The following PIERCE1 variants were observed in gnomAD, a reference collection of about 807,000 sequenced individuals.
The protein encoded by PIERCE1 is piercer of microtubule wall 1.
chr9:135,499,046 C>T, the PIERCE1 span: 1 of 274,148 alleles, frequency 3.6e-6, no homozygotes, highest in African/African-American at 2.2e-5. Context: ...GTCCCTCTGC[C>T]TCTGAGCCCC....
chr9:135,499,557 G>A, the PIERCE1 span: 2 of 1,069,610 alleles, frequency 1.9e-6, no homozygotes, highest in Non-Finnish European at 2.8e-6. Flanking sequence ...CACGGTCGCC[G>A]CTCACTGGCG....
the PIERCE1 span, among the ~76,000 whole-genome samples, chr9:135,496,724 T>C: frequency 6.6e-6 from 1 of 151,714 alleles, no homozygotes; most frequent in Non-Finnish European, 1.5e-5. Context: ...CTACATTCTA[T>C]GGGTGGGACA....
the PIERCE1 span, among the ~76,000 whole-genome samples, chr9:135,497,612 T>TG: frequency 7.2e-4 from 109 of 152,100 alleles, no homozygotes; most frequent in African/African-American, 2.6e-3. Context: ...TTTACAGGGA[T>TG]GGGGGTCTCA....
chr9:135,498,786 C>A, the PIERCE1 span: 2 of 893,946 alleles, frequency 2.2e-6, no homozygotes, highest in South Asian at 1.5e-5. The surrounding 1 kb of genome is among the most constrained non-coding windows in gnomAD (Gnocchi z 4.1). Context: ...TATGCCCGGG[C>A]TGGTGATGTG....
chr9:135,499,696 C>G, the PIERCE1 span: 72 of 1,607,216 alleles, frequency 4.5e-5, no homozygotes, highest in Non-Finnish European at 6.0e-5. Flanking sequence ...CAGGCGGGCC[C>G]CAGCTTCCTC....
At chr9:135,499,362 A>C in the PIERCE1 span, 58 of 541,966 alleles carry the variant, frequency 1.1e-4, no homozygotes, top group Middle Eastern at 5.6e-4. Flanking sequence ...GAGCTGGCTG[A>C]GTCTACAGCA....
At chr9:135,497,606 C>T in the PIERCE1 span, among the ~76,000 whole-genome samples, 76,373 of 151,762 alleles carry the variant, frequency 0.5, 20,053 homozygotes, top group East Asian at 0.84. Flanking sequence ...TTTATTTTTA[C>T]AGGGATGGGG....
chr9:135,496,607 A>T, the PIERCE1 span, among the ~76,000 whole-genome samples: 1 of 152,262 alleles, frequency 6.6e-6, no homozygotes, highest in Non-Finnish European at 1.5e-5. Context: ...GAGTTCCCAA[A>T]TTACCTCCCT....
the PIERCE1 span, chr9:135,498,518 G>T: frequency 7.0e-7 from 1 of 1,421,978 alleles, no homozygotes; most frequent in South Asian, 1.2e-5. This position sits in a 1 kb window ranked among gnomAD's most constrained non-coding sequence, Gnocchi z 4.1. Context: ...GAGAACCCCA[G>T]GTTTTTAGCC....
the PIERCE1 span, chr9:135,499,405 G>A: frequency 1.3e-5 from 8 of 634,968 alleles, no homozygotes; most frequent in South Asian, 4.6e-5. Context: ...CTCACGCCCC[G>A]CAGCGGAGTT....
At chr9:135,498,008 G>C in the PIERCE1 span, among the ~76,000 whole-genome samples, 1 of 152,132 alleles carries the variant, frequency 6.6e-6, no homozygotes, top group Non-Finnish European at 1.5e-5. This position sits in a 1 kb window ranked among gnomAD's most constrained non-coding sequence, Gnocchi z 4.1. Flanking sequence ...CCATTCACCT[G>C]GACCTTCATG....
chr9:135,497,635 G>C, the PIERCE1 span, among the ~76,000 whole-genome samples: 1 of 152,012 alleles, frequency 6.6e-6, no homozygotes, highest in Non-Finnish European at 1.5e-5. Flanking sequence ...ACGTTGCCCA[G>C]GCTGGTCTTG....
chr9:135,499,675 G>C, the PIERCE1 span: 5 of 1,604,364 alleles, frequency 3.1e-6, no homozygotes, highest in Non-Finnish European at 4.2e-6. Flanking sequence ...TCGAGCAGTG[G>C]ACGCCAGGAC....
the PIERCE1 span, chr9:135,499,735 G>T: frequency 6.2e-7 from 1 of 1,608,260 alleles, no homozygotes; most frequent in Non-Finnish European, 8.5e-7. Context: ...ACCCCGGGTT[G>T]TTGAACCTGC....
the PIERCE1 span, chr9:135,498,665 T>C: frequency 4.5e-5 from 73 of 1,613,500 alleles, no homozygotes; most frequent in Non-Finnish European, 5.9e-5. This position sits in a 1 kb window ranked among gnomAD's most constrained non-coding sequence, Gnocchi z 4.1. Context: ...TTCTGGGTCC[T>C]GGTAGATGAG....
the PIERCE1 span, chr9:135,495,460 A>C: frequency 5.0e-6 from 8 of 1,614,034 alleles, no homozygotes; most frequent in African/African-American, 1.3e-5. Context: ...TGATGTTGTA[A>C]CTGGGGTGGA....
the PIERCE1 span, chr9:135,498,588 C>T: frequency 6.2e-7 from 1 of 1,613,758 alleles, no homozygotes; most frequent in Non-Finnish European, 8.5e-7. The surrounding 1 kb of genome is among the most constrained non-coding windows in gnomAD (Gnocchi z 4.1). Flanking sequence ...CACTTACAGG[C>T]ATCTCGTGCA....
chr9:135,499,057 C>G, the PIERCE1 span: 792 of 272,116 alleles, frequency 2.9e-3, 9 homozygotes, highest in African/African-American at 0.017. Flanking sequence ...TCTGAGCCCC[C>G]ACCCTCACTG....
At chr9:135,498,751 G>A in the PIERCE1 span, 4,526 of 1,232,094 alleles carry the variant, frequency 3.7e-3, 14 homozygotes, top group Non-Finnish European at 4.6e-3. The surrounding 1 kb of genome is among the most constrained non-coding windows in gnomAD (Gnocchi z 4.1). Context: ...GCACTCCCCT[G>A]GAAATGCCCC....
Sources: allele counts gnomAD v4.1 joint callset (sites outside exome capture counted in the v4.1 genomes callset), GRCh38; gene constraint gnomAD v4.1.1; non-coding constraint Gnocchi (gnomAD v3.1); transcripts MANE v1.5; gene names NCBI Gene and HGNC (gene_info 2026-07-23, HGNC 2026-07-21).